Variants in STAU1 observed in about 807,000 individuals in gnomAD.
STAU1 encodes staufen double-stranded RNA binding protein 1.
Under a neutral mutation model 62.9 loss-of-function variants are expected in STAU1, and 13 were observed. The observed-to-expected ratio is 0.21, with a 90% CI of 0.13 to 0.33. STAU1 has a LOEUF of 0.33. Ranked by LOEUF, STAU1 falls within the 10% of genes least tolerant of loss-of-function variation. The pLI, the probability that STAU1 is intolerant of heterozygous loss-of-function variation, is 1.00. For synonymous variants in STAU1, 269 were observed against 265.1 expected (o/e 1.01, Z -0.14); for missense variants, 571 against 712.1 (o/e 0.80, Z 2.25).
chr20:49,216,850 C>A, the STAU1 span, among the ~76,000 whole-genome samples: 1 of 152,170 alleles, frequency 6.6e-6, no homozygotes. Context: ...AGAAGACTTG[C>A]TCATTCTTGG....
rs1228844108 is a variant in STAU1, at chr20:49,117,849, G to T, written c.1437C>A (p.Gly479=). ...TCGTGAGAGGTCCATGGGGTACGTG[G>T]CCTGAAGAGATGTTATTCTTTAAAA... The part of the protein sequence containing the change: ...ETILKNNISS[G]HVPHGPLTRP... Residue 479 remains glycine (G), a synonymous_variant, in exon 11 of 14, where the codon GGC becomes GGA. Transcript: ENST00000371856. The surrounding 1 kb of genome is among the most constrained non-coding windows in gnomAD (Gnocchi z 4.6). 2 of 1,614,178 alleles carry T rather than the reference G, an allele frequency of 1.2e-6. No individual in the cohort carries two copies. Among genetic ancestry groups the T allele is most frequent in the Admixed American group, 3.3e-5 (2 of 60,026 alleles).
chr20:49,130,202 T>C (rs2092721896), intron 6 of STAU1, among the ~76,000 whole-genome samples: 1 of 151,996 alleles, frequency 6.6e-6, no homozygotes, highest in South Asian at 2.1e-4. Context: ...GTTAAAGAAG[T>C]CAGACAAAAG....
At chr20:49,141,960 A>C (rs1453552572) in intron 5 of STAU1, among the ~76,000 whole-genome samples, 2 of 152,072 alleles carry the variant, frequency 1.3e-5, no homozygotes, top group African/African-American at 2.4e-5. Flanking sequence ...GTTTATACTA[A>C]TAACTGTAAT....
At chr20:49,158,611 A>C in intron 3 of STAU1, 1 of 838,236 alleles carries the variant, frequency 1.2e-6, no homozygotes, top group Non-Finnish European at 1.7e-6. Context: ...GGAGTTCGAG[A>C]CCAGCCTGGC....
chr20:49,141,326 C>T (rs1031421640), intron 5 of STAU1, among the ~76,000 whole-genome samples: 11 of 152,114 alleles, frequency 7.2e-5, no homozygotes, highest in South Asian at 4.1e-4. Flanking sequence ...TGGTGGCTCA[C>T]GCCTGTAGTC....
chr20:49,175,549 G>A (rs891698048), intron 1 of STAU1, among the ~76,000 whole-genome samples: 14 of 151,770 alleles, frequency 9.2e-5, no homozygotes, highest in Admixed American at 2.0e-4. Context: ...GCGTGATGTC[G>A]GCTCCCTGCA....
At position 49,117,312 on chromosome 20, in the gene STAU1, G is replaced by A; in HGVS notation, c.1510-64C>T. ...GCAAGTATGAGTGGGCTGGAGGGCT[G>A]CAGCTCCAGGCCCCACAAGCAAGAT... On this transcript the variant is annotated intron_variant, in intron 11 of 13. Transcript: ENST00000371856. The surrounding 1 kb of genome is among the most constrained non-coding windows in gnomAD (Gnocchi z 4.6). 1 of 1,574,246 alleles carries A rather than the reference G, an allele frequency of 6.4e-7. No homozygotes were observed. The highest frequency in any genetic ancestry group is 8.7e-7 in the Non-Finnish European group (1 of 1,152,674).
intron 1 of STAU1, among the ~76,000 whole-genome samples, chr20:49,187,333 T>G (rs1202093256): frequency 6.6e-6 from 1 of 152,142 alleles, no homozygotes; most frequent in Non-Finnish European, 1.5e-5. Context: ...TCAACTACAG[T>G]GTCCCAATTA....
chr20:49,139,277 T>C (rs549785523), intron 5 of STAU1, among the ~76,000 whole-genome samples: 3 of 152,274 alleles, frequency 2.0e-5, no homozygotes, highest in African/African-American at 7.2e-5. Flanking sequence ...AAGGACACTA[T>C]CAAGAGAGTG....
intron 2 of STAU1, among the ~76,000 whole-genome samples, chr20:49,170,629 T>C (rs1035625415): frequency 2.6e-5 from 4 of 152,194 alleles, no homozygotes; most frequent in Non-Finnish European, 4.4e-5. Context: ...GCTGGGATTA[T>C]AGACATGAGC....
At chr20:49,141,241 A>G (rs2093000825) in intron 5 of STAU1, among the ~76,000 whole-genome samples, 1 of 152,194 alleles carries the variant, frequency 6.6e-6, no homozygotes, top group Non-Finnish European at 1.5e-5. Context: ...TCCTGGATTT[A>G]TCCAATGTCA....
At chr20:49,164,294 G>A (rs1253347649) in intron 3 of STAU1, among the ~76,000 whole-genome samples, 1 of 151,400 alleles carries the variant, frequency 6.6e-6, no homozygotes, top group African/African-American at 2.4e-5. Flanking sequence ...TGCCAGCCAA[G>A]AAGGAGACTT....
chr20:49,115,761 C>T (rs745367006), intron 13 of STAU1, 21 bp downstream of exon 13: 23 of 1,606,528 alleles, frequency 1.4e-5, no homozygotes, highest in Non-Finnish European at 1.9e-5. Context: ...TCAGCGCCTT[C>T]CCCTTCATCA....
the STAU1 span, among the ~76,000 whole-genome samples, chr20:49,195,375 A>G: frequency 4.4e-4 from 66 of 151,446 alleles, no homozygotes; most frequent in African/African-American, 1.5e-3. Context: ...GTCTCCACTA[A>G]AAATACAAAA....
chr20:49,189,425 AG>A (rs1268914710), upstream of STAU1, among the ~76,000 whole-genome samples: 2 of 151,456 alleles, frequency 1.3e-5, no homozygotes, highest in Non-Finnish European at 2.9e-5. Context: ...ACCTGAGGTC[AG>A]GAGTTCGAGA....
intron 6 of STAU1, among the ~76,000 whole-genome samples, chr20:49,131,179 C>T (rs1050511406): frequency 3.4e-4 from 52 of 152,264 alleles, no homozygotes; most frequent in African/African-American, 1.2e-3. Flanking sequence ...TTAAACATGT[C>T]AATGTCATGA....
chr20:49,165,699 TTTACTGCTCAATTC>T (rs1457718836), intron 3 of STAU1, among the ~76,000 whole-genome samples: 1 of 152,240 alleles, frequency 6.6e-6, no homozygotes. Flanking sequence ...CAAGGTGGTA[TTTACTGCTCAATTC>T]TTTCTGCCAG....
At chr20:49,140,078 C>T (rs962475591) in intron 5 of STAU1, among the ~76,000 whole-genome samples, 3 of 149,168 alleles carry the variant, frequency 2.0e-5, no homozygotes, top group Non-Finnish European at 4.5e-5. Flanking sequence ...CCCAGCTACT[C>T]GGGAGGCTGA....
At chr20:49,175,472 G>C (rs6066991) in intron 1 of STAU1, among the ~76,000 whole-genome samples, 1 of 152,018 alleles carries the variant, frequency 6.6e-6, no homozygotes, top group Non-Finnish European at 1.5e-5. Flanking sequence ...ATAATGTTTA[G>C]GCTTTGTTTG....
Sources: allele counts gnomAD v4.1 joint callset (sites outside exome capture counted in the v4.1 genomes callset), GRCh38; gene constraint gnomAD v4.1.1; non-coding constraint Gnocchi (gnomAD v3.1); transcripts MANE v1.5; gene names NCBI Gene and HGNC (gene_info 2026-07-23, HGNC 2026-07-21).